The following SNAPC1 variants were observed in gnomAD, a reference collection of about 807,000 sequenced individuals.
SNAPC1 encodes small nuclear RNA activating complex polypeptide 1.
SNAPC1 carries 42 observed loss-of-function variants against 50.1 expected under a neutral mutation model. The ratio of observed to expected loss-of-function variants is 0.84; its 90% CI spans 0.65 to 1.08. The LOEUF (loss-of-function observed/expected upper bound fraction) is 1.08. Ranked by LOEUF, SNAPC1 falls within the 50% of genes least tolerant of loss-of-function variation. SNAPC1 has a pLI of 0.00. For missense variants in SNAPC1, 477 were observed against 427.3 expected (o/e 1.12, Z -1.02); for synonymous variants, 164 against 144.2 (o/e 1.14, Z -0.98).
At chr14:61,791,027 C>T (rs573047663) in intron 8 of SNAPC1, among the ~76,000 whole-genome samples, 32 of 151,978 alleles carry the variant, frequency 2.1e-4, no homozygotes, top group Non-Finnish European at 4.0e-4. Flanking sequence ...TTGTTCCCTC[C>T]CGAGATGGAG....
intron 2 of SNAPC1, 52 bp from the exon 3 acceptor site, chr14:61,767,160 T>C: frequency 7.7e-7 from 1 of 1,296,782 alleles, no homozygotes; most frequent in Non-Finnish European, 1.0e-6. Context: ...TATAATATGT[T>C]TGTGAAAAAA....
chr14:61,781,758 A>G (rs1205831106), intron 7 of SNAPC1, among the ~76,000 whole-genome samples: 1 of 152,240 alleles, frequency 6.6e-6, no homozygotes. Context: ...ATTCCAAAAT[A>G]GCATTTCATT....
chr14:61,768,605 C>A, intron 3 of SNAPC1, 31 bp from the exon 4 acceptor site: 1 of 1,109,940 alleles, frequency 9.0e-7, no homozygotes, highest in Non-Finnish European at 1.4e-6. Flanking sequence ...TTAAAAGATA[C>A]TCATTTAAAA....
At chr14:61,777,095 A>G (rs189250083) in intron 5 of SNAPC1, among the ~76,000 whole-genome samples, 6 of 152,324 alleles carry the variant, frequency 3.9e-5, no homozygotes, top group Admixed American at 1.3e-4. Context: ...TGTTTTCACA[A>G]ATGCCACACA....
At chr14:61,785,487 A>G (rs1184816881) in intron 8 of SNAPC1, among the ~76,000 whole-genome samples, 1 of 152,224 alleles carries the variant, frequency 6.6e-6, no homozygotes, top group Non-Finnish European at 1.5e-5. Context: ...CTGAGACCCC[A>G]GAATATCTGA....
intron 9 of SNAPC1, among the ~76,000 whole-genome samples, 177 bp from the exon 10 acceptor site, chr14:61,794,772 A>AT (rs2045176638): frequency 6.6e-6 from 1 of 152,004 alleles, no homozygotes; most frequent in South Asian, 2.1e-4. Flanking sequence ...CAGGTTTAAG[A>AT]TTTTTTTGTT....
intron 3 of SNAPC1, among the ~76,000 whole-genome samples, chr14:61,767,747 C>G (rs2044959123): frequency 6.6e-6 from 1 of 151,628 alleles, no homozygotes; most frequent in Admixed American, 6.6e-5. Flanking sequence ...CAGGCGTGAG[C>G]CACTGCGCCC....
intron 3 of SNAPC1, 60 bp from the exon 4 acceptor site, chr14:61,768,576 A>G (rs983919229): frequency 1.8e-5 from 17 of 920,930 alleles, no homozygotes; most frequent in Admixed American, 4.3e-5. Context: ...TTATATTTCA[A>G]TACTTTTAAC....
At chr14:61,764,236 T>C (rs2044930829) in intron 1 of SNAPC1, among the ~76,000 whole-genome samples, 1 of 152,258 alleles carries the variant, frequency 6.6e-6, no homozygotes, top group African/African-American at 2.4e-5. Flanking sequence ...AATCTATTTT[T>C]ATTACCATAG....
In SNAPC1 at chr14:61,795,190, G is replaced by C. The variant is rs2045180345; in HGVS notation, c.*207G>C. On this transcript the variant is annotated 3_prime_UTR_variant, in exon 10 of 10. Transcript: ENST00000216294. ...TCTTTAACATTTTCTTTAATGATTT[G>C]CATAAATGGAGATAAAACTTGTATT... 5 of 505,926 alleles carry C rather than the reference G, an allele frequency of 9.9e-6. No homozygotes were observed. The South Asian group carries it at 1.4e-4, about 14-fold the overall frequency. The allele number at this position is 505,926 out of a possible 1,614,324, so 31.3% of individuals were successfully genotyped here. A position where few individuals can be genotyped will look rare whatever the true frequency, so the allele number is the denominator to read the frequency against.
Position 61,778,890 on chromosome 14 carries a change from G to T in SNAPC1, c.805G>T (p.Ala269Ser). The T allele has an allele frequency of 6.4e-7, 1 of 1,557,990 alleles. No individual in the cohort carries two copies. The highest frequency in any genetic ancestry group is 8.7e-7 in the Non-Finnish European group (1 of 1,155,216). The change falls in exon 7 of 10, where the codon GCC (alanine) becomes TCC (serine). Residue 269 changes from alanine (A) to serine (S), a missense_variant. Transcript: ENST00000216294. ...ATCATTAGCGAAAATAAAATCAAAG[G>T]CCTTTTCAGTTGTCATACAGGTAAG... ...AESLAKIKSK[A>S]FSVVIQASKS...
chr14:61,779,018 A>G, intron 7 of SNAPC1, 108 bp downstream of exon 7: 1 of 643,246 alleles, frequency 1.6e-6, no homozygotes, highest in Non-Finnish European at 2.7e-6. Context: ...AAGTCAAATA[A>G]TGCTAGAGAG....
At position 61,773,857 on chromosome 14, in the gene SNAPC1, G is replaced by A. The variant is rs2045013972; in HGVS notation, c.535-2238G>A. Among the ~76,000 whole-genome samples, 2 of 151,708 alleles carry A rather than the reference G, an allele frequency of 1.3e-5. 1 individual carries two copies. The highest frequency in any genetic ancestry group is 4.2e-4 in the South Asian group (2 of 4,798). ...CGAGTAGCTCGGACAACAGGCACCCGCCACCATGCCTGGCTAATTTTTTGT... is the reference window on the plus strand; with the variant it reads ...CGAGTAGCTCGGACAACAGGCACCCACCACCATGCCTGGCTAATTTTTTGT... On this transcript the variant is annotated intron_variant, in intron 4 of 9. Coordinates refer to ENST00000216294, the MANE Select transcript of SNAPC1 (RefSeq NM_003082.4).
Position 61,793,880 on chromosome 14 carries a change from T to C in SNAPC1, c.1072+978T>C, listed in dbSNP as rs191405881. ...CGTGTTGGGCAGGCTGGTCTTGAAC[T>C]CCTGACCTTAAGTGATCCGCTTGCC... On this transcript the variant is annotated intron_variant, in intron 9 of 9. Transcript: ENST00000216294. Among the ~76,000 whole-genome samples, 1,037 of 152,260 alleles carry C rather than the reference T, an allele frequency of 6.8e-3. 6 individuals carry two copies. The highest frequency in any genetic ancestry group is 9.0e-3 in the Non-Finnish European group (610 of 68,020).
intron 8 of SNAPC1, among the ~76,000 whole-genome samples, chr14:61,784,528 A>G (rs1259834624): frequency 6.6e-6 from 1 of 152,188 alleles, no homozygotes; most frequent in Non-Finnish European, 1.5e-5. Context: ...CAGGTAGTAA[A>G]TAGTTTAGGT....
In SNAPC1 at chr14:61,778,891, C is replaced by A; in HGVS notation, c.806C>A (p.Ala269Asp). ...AESLAKIKSK[A>D]FSVVIQASKS... is the part of the protein sequence containing the mutation. ...TCATTAGCGAAAATAAAATCAAAGG[C>A]CTTTTCAGTTGTCATACAGGTAAGT... is the stretch of plus-strand genomic sequence containing the variant. The change falls in exon 7 of 10, where the codon GCC becomes GAC. Residue 269 changes from alanine to aspartate, a missense_variant. Coordinates refer to ENST00000216294, the MANE Select transcript of SNAPC1 (RefSeq NM_003082.4). The A allele has an allele frequency of 6.4e-7, 1 of 1,554,692 alleles. No homozygotes were observed. Among genetic ancestry groups the A allele is most frequent in the Non-Finnish European group, 8.7e-7 (1 of 1,152,712 alleles).
chr14:61,786,234 G>C (rs1387744336), intron 8 of SNAPC1, among the ~76,000 whole-genome samples: 11 of 152,018 alleles, frequency 7.2e-5, no homozygotes, highest in African/African-American at 2.7e-4. Flanking sequence ...TTCTTGGGTT[G>C]GGCAAGATTT....
intron 8 of SNAPC1, among the ~76,000 whole-genome samples, chr14:61,787,508 C>G (rs1366874129): frequency 6.6e-6 from 1 of 151,946 alleles, no homozygotes; most frequent in Admixed American, 6.6e-5. Context: ...TTCAGAGACT[C>G]CAGTGCAGCC....
chr14:61,780,176 A>G (rs1009643277), intron 7 of SNAPC1, among the ~76,000 whole-genome samples: 9 of 152,166 alleles, frequency 5.9e-5, no homozygotes, highest in African/African-American at 2.2e-4. Flanking sequence ...GGAGGGTGGG[A>G]AATAAGCCCA....
Sources: allele counts gnomAD v4.1 joint callset (sites outside exome capture counted in the v4.1 genomes callset), GRCh38; gene constraint gnomAD v4.1.1; transcripts MANE v1.5; gene names NCBI Gene and HGNC (gene_info 2026-07-23, HGNC 2026-07-21).